The following ZNF420 variants were observed in gnomAD, a reference collection of about 807,000 sequenced individuals.
ZNF420 encodes zinc finger protein 420, also known as ATM and p53-associated KZNF protein.
A neutral mutation model predicts 44.7 loss-of-function variants in ZNF420; 31 were observed. That is an observed-to-expected ratio of 0.69 (90% CI 0.52 to 0.94). The LOEUF (loss-of-function observed/expected upper bound fraction) is 0.94, where lower values mean the gene tolerates loss of function less well. Among genes scored for constraint, ZNF420 ranks in the 40% least tolerant of loss-of-function variants. The pLI is 0.00. For missense variants in ZNF420, 681 were observed against 827.9 expected (o/e 0.82, Z 2.18); for synonymous variants, 245 against 267.4 (o/e 0.92, Z 0.82).
chr19:37,108,259 T>C (rs774553510), intron 4 of ZNF420: 1 of 152,232 alleles, frequency 6.6e-6, no homozygotes, highest in Non-Finnish European at 1.5e-5. Context: ...ATGAATCTTT[T>C]GGATCTATTT....
chr19:37,053,504 G>A (rs934360661), intron 1 of ZNF420, among the ~76,000 whole-genome samples: 3 of 152,086 alleles, frequency 2.0e-5, no homozygotes, highest in Non-Finnish European at 4.4e-5. Flanking sequence ...TCTACCTTTG[G>A]TCTTTGATGA....
chr19:37,058,907 G>A (rs1393280825), intron 1 of ZNF420, among the ~76,000 whole-genome samples: 1 of 152,160 alleles, frequency 6.6e-6, no homozygotes, highest in Non-Finnish European at 1.5e-5. Context: ...TTGCGAATCG[G>A]GGCAGCCCAC....
intron 1 of ZNF420, among the ~76,000 whole-genome samples, chr19:37,034,062 AT>A (rs1217488745): frequency 3.6e-3 from 495 of 137,044 alleles, no homozygotes; most frequent in Middle Eastern, 4.1e-3. Context: ...CCTATGTTCC[AT>A]TTTTTTTTTT....
At chr19:37,080,708 G>A (rs1968390174) in intron 2 of ZNF420, among the ~76,000 whole-genome samples, 1 of 151,906 alleles carries the variant, frequency 6.6e-6, no homozygotes, top group African/African-American at 2.4e-5. Context: ...ACTTTTTTTA[G>A]CTTGTTATGG....
intron 1 of ZNF420, among the ~76,000 whole-genome samples, chr19:37,054,299 C>A (rs12462623): frequency 3.3e-4 from 50 of 152,222 alleles, no homozygotes; most frequent in Admixed American, 7.9e-4. Context: ...TGACCCCTTG[C>A]GCTTCCTGGG....
At position 37,108,082 on chromosome 19, in the gene ZNF420, C is replaced by T. The variant is rs191991835; in HGVS notation, c.136+16961C>T. 1.3e-3 allele frequency among the ~76,000 whole-genome samples: 193 copies of T among 152,246 alleles called. 1 individual carries two copies. Among genetic ancestry groups the T allele is most frequent in the African/African-American group, 4.0e-3 (166 of 41,546 alleles). On this transcript the variant is annotated intron_variant, in intron 4 of 4. Transcript: ENST00000337995. Reference sequence around the variant, plus strand: ...AGTCTAAGATCATTAATTTGATTTGCCAATTTTTGATCAATACCAGATTGT... The same window carrying T: ...AGTCTAAGATCATTAATTTGATTTGTCAATTTTTGATCAATACCAGATTGT...
intron 2 of ZNF420, among the ~76,000 whole-genome samples, chr19:37,080,723 T>A (rs186510718): frequency 8.5e-5 from 13 of 152,188 alleles, no homozygotes; most frequent in Admixed American, 2.0e-4. Flanking sequence ...TTATGGAAAG[T>A]TTCAAATGTA....
chr19:37,100,943 A>G (rs1320491532), intron 4 of ZNF420, among the ~76,000 whole-genome samples: 4 of 149,998 alleles, frequency 2.7e-5, no homozygotes, highest in African/African-American at 9.8e-5. Flanking sequence ...TCTTTTGTCA[A>G]TGTTTATAGT....
chr19:37,021,047 T>G (rs1161067715), intron 1 of ZNF420, among the ~76,000 whole-genome samples: 1 of 152,212 alleles, frequency 6.6e-6, no homozygotes, highest in Non-Finnish European at 1.5e-5. Context: ...TTTATGTGTA[T>G]TTCACAATTT....
intron 1 of ZNF420, among the ~76,000 whole-genome samples, chr19:37,044,288 A>C (rs1439414275): frequency 1.3e-5 from 2 of 152,216 alleles, no homozygotes; most frequent in African/African-American, 4.8e-5. Flanking sequence ...AGGCCAAGGC[A>C]GGAGGATCAC....
upstream of ZNF420, among the ~76,000 whole-genome samples, chr19:37,073,458 G>C (rs1968091985): frequency 6.6e-6 from 1 of 152,322 alleles, no homozygotes; most frequent in Middle Eastern, 3.4e-3. Context: ...TCTGTGCCAG[G>C]TTGGGCGTGG....
chr19:37,012,271 T>G (rs1395213378), intron 1 of ZNF420, among the ~76,000 whole-genome samples: 1 of 152,156 alleles, frequency 6.6e-6, no homozygotes, highest in African/African-American at 2.4e-5. Context: ...CCGCCGCCAT[T>G]ATTTAAAGGG....
At chr19:37,018,469 A>C (rs1412684491) in intron 1 of ZNF420, among the ~76,000 whole-genome samples, 1 of 152,236 alleles carries the variant, frequency 6.6e-6, no homozygotes, top group Non-Finnish European at 1.5e-5. Context: ...CTTATCAACA[A>C]GGGTGCCAAG....
At chr19:37,037,099 A>G (rs1251298744) in intron 1 of ZNF420, among the ~76,000 whole-genome samples, 4 of 152,044 alleles carry the variant, frequency 2.6e-5, no homozygotes, top group Non-Finnish European at 5.9e-5. Context: ...AGCTCCATCC[A>G]CATTTCTCAC....
chr19:37,012,207 T>A (rs933688975), intron 1 of ZNF420, among the ~76,000 whole-genome samples: 2 of 152,106 alleles, frequency 1.3e-5, no homozygotes, highest in African/African-American at 4.8e-5. Context: ...CAGTCGCCTC[T>A]CTCAACGAAG....
rs545715276 is a variant in ZNF420, at chr19:37,015,496, A to G, written c.-125+7414A>G. ...TCAGGATCCCCTTGAGCCCACTTCA[A>G]ATTCCGTTGCTGGCAGGGCAGGAGC... On this transcript the variant is annotated intron_variant, in intron 1 of 4. Transcript: ENST00000587029. Among the ~76,000 whole-genome samples, 20 of 152,250 alleles carry G rather than the reference A, an allele frequency of 1.3e-4. No individual in the cohort carries two copies. In the East Asian group the frequency reaches 2.5e-3, roughly 19 times the overall value.
intron 1 of ZNF420, among the ~76,000 whole-genome samples, chr19:37,012,396 C>G (rs867498564): frequency 1.3e-5 from 2 of 152,234 alleles, no homozygotes; most frequent in Non-Finnish European, 2.9e-5. Context: ...AAACCAGTCC[C>G]TGAGGCTTGG....
Position 37,127,440 on chromosome 19 carries a change from G to T in ZNF420, c.449G>T (p.Arg150Leu). ...KCKECGKAFR[R>L]ASHLTQHQSI... ...AAGGAATGTGGGAAAGCCTTCAGAC[G>T]AGCCTCACACCTAACACAACATCAA... Residue 150 changes from arginine (R) to leucine (L), a missense_variant, in exon 5 of 5, where the codon CGA becomes CTA. This residue lies in a region of ZNF420 where 350 missense variants were observed against 382.5 expected (regional missense o/e 0.92). Transcript: ENST00000337995. 1.2e-6 allele frequency: 2 copies of T among 1,613,904 alleles called. No individual in the cohort carries two copies. Among genetic ancestry groups the T allele is most frequent in the Non-Finnish European group, 1.7e-6 (2 of 1,179,958 alleles).
intron 1 of ZNF420, among the ~76,000 whole-genome samples, chr19:37,013,842 G>T (rs747398194): frequency 2.0e-4 from 31 of 152,186 alleles, no homozygotes; most frequent in Non-Finnish European, 4.0e-4. Flanking sequence ...TGCCAACAGG[G>T]CCAGGGGTGA....
Sources: gnomAD v4.1 joint callset for allele counts (sites outside exome capture counted in the v4.1 genomes callset) on GRCh38, gnomAD v4.1.1 for gene constraint, gnomAD v4.1.1 regional missense constraint, MANE v1.5 for transcripts, NCBI Gene and HGNC (gene_info 2026-07-23, HGNC 2026-07-21) for gene names.